The following PRKDC variants were observed in gnomAD, a reference collection of about 807,000 sequenced individuals.
PRKDC encodes the protein protein kinase, DNA-activated, catalytic subunit.
Under a neutral mutation model 486.9 loss-of-function variants are expected in PRKDC, and 82 were observed. The ratio of observed to expected loss-of-function variants is 0.17; its 90% confidence interval spans 0.14 to 0.20. The LOEUF (loss-of-function observed/expected upper bound fraction) is 0.20. Among genes scored for constraint, PRKDC ranks in the 10% least tolerant of loss-of-function variants. PRKDC has a pLI of 1.00. For missense variants in PRKDC, 4,504 were observed against 5,038.2 expected (o/e 0.89, Z 3.21); for synonymous variants, 1,895 against 1,837.0 (o/e 1.03, Z -0.81).
Position 47,864,743 on chromosome 8 carries a change from A to G in PRKDC, c.5384T>C (p.Val1795Ala). ...IARRGSCVTQVGLLESVYEMF... is the reference protein window; with the variant it reads ...IARRGSCVTQAGLLESVYEMF... Reference sequence around the variant, plus strand: ...TTCATACACGCTTTCCAGAAGGCCTACTTGTGTGACACATGAACCCCTAAG... The same window carrying G: ...TTCATACACGCTTTCCAGAAGGCCTGCTTGTGTGACACATGAACCCCTAAG... The change falls in exon 41 of 86, where the codon GTA becomes GCA. Residue 1795 changes from valine (V) to alanine (A), a missense_variant. Val to Ala is a moderately conservative substitution (Grantham distance 64). This residue lies in a region of PRKDC where 1,969 missense variants were observed against 2,068.9 expected (regional missense o/e 0.95). Transcript: ENST00000314191. The G allele has an allele frequency of 6.3e-7, 1 of 1,597,280 alleles. No homozygotes were observed. The highest frequency in any genetic ancestry group is 1.3e-5 in the African/African-American group (1 of 74,754).
intron 66 of PRKDC, among the ~76,000 whole-genome samples, chr8:47,819,837 T>C (rs1490726562): frequency 6.6e-6 from 1 of 152,210 alleles, no homozygotes; most frequent in East Asian, 1.9e-4. Flanking sequence ...AAGCCAATTC[T>C]TTTTTTGATA....
intron 21 of PRKDC, among the ~76,000 whole-genome samples, chr8:47,920,231 CTG>C (rs2090050816): frequency 2.0e-5 from 3 of 152,172 alleles, no homozygotes; most frequent in Admixed American, 6.5e-5. Context: ...CTCTATATTT[CTG>C]TGTGTGTGTC....
At chr8:47,927,452 T>G (rs1589797870) in intron 20 of PRKDC, 99 bp from the exon 21 acceptor site, 3 of 1,342,478 alleles carry the variant, frequency 2.2e-6, no homozygotes, top group Admixed American at 2.6e-5. Context: ...AATACTCCTT[T>G]TTATTACTGG....
chr8:47,837,613 C>T (rs2088056206), intron 56 of PRKDC, among the ~76,000 whole-genome samples, 194 bp from the exon 57 acceptor site: 1 of 151,506 alleles, frequency 6.6e-6, no homozygotes, highest in African/African-American at 2.4e-5. Context: ...GAGAATATTA[C>T]AAAAAATGTA....
chr8:47,801,769 G>T (rs1270864409), intron 70 of PRKDC, among the ~76,000 whole-genome samples: 1 of 152,170 alleles, frequency 6.6e-6, no homozygotes, highest in Non-Finnish European at 1.5e-5. Flanking sequence ...CTGAACCAGC[G>T]CTGGCTAAGT....
At chr8:47,783,164 C>A (rs1429945485) in intron 78 of PRKDC, among the ~76,000 whole-genome samples, 1 of 151,528 alleles carries the variant, frequency 6.6e-6, no homozygotes, top group Non-Finnish European at 1.5e-5. Flanking sequence ...TGTATCCCAG[C>A]TACTAGGGAG....
intron 40 of PRKDC, among the ~76,000 whole-genome samples, chr8:47,866,139 A>G (rs1272963854): frequency 6.7e-6 from 1 of 149,406 alleles, no homozygotes; most frequent in Non-Finnish European, 1.5e-5. Context: ...CTGGGCAACA[A>G]TAGAGAAACT....
At chr8:47,837,487 GGTGT>G in intron 56 of PRKDC, 68 bp from the exon 57 acceptor site, 1 of 1,267,024 alleles carries the variant, frequency 7.9e-7, no homozygotes, top group Non-Finnish European at 1.1e-6. Flanking sequence ...TGCTGTACAG[GGTGT>G]CCTGTGGAGA....
chr8:47,794,287 T>TG lies in PRKDC; in HGVS notation c.10670+2_10670+3insC. The TG allele has an allele frequency of 6.2e-7, 1 of 1,605,834 alleles. No individual in the cohort carries two copies. The highest frequency in any genetic ancestry group is 8.5e-7 in the Non-Finnish European group (1 of 1,174,048). ...AACCTATTCCTTCTGTAATATTACC[T>TG]ACCTTGCCACAAACTCCTTATTCTT... is the stretch of plus-strand genomic sequence containing the variant. On this transcript the variant is annotated splice_region_variant and intron_variant, in intron 74 of 85. Coordinates refer to ENST00000314191, the MANE Select transcript of PRKDC (RefSeq NM_006904.7).
Position 47,788,886 on chromosome 8 carries a change from C to A in PRKDC, c.10902+20G>T. 1 of 1,525,892 alleles carries A rather than the reference C, an allele frequency of 6.6e-7. No individual in the cohort carries two copies. Among genetic ancestry groups the A allele is most frequent in the Non-Finnish European group, 8.8e-7 (1 of 1,139,474 alleles). The allele number at this position is 1,525,892 out of a possible 1,614,324, so 94.5% of individuals were successfully genotyped here. A position where few individuals can be genotyped will look rare whatever the true frequency, so the allele number is the denominator to read the frequency against. The stretch of plus-strand genomic sequence containing the variant: ...CACAACGACTCTGCTATCAAAATAG[C>A]AGGCTGTGCCAGTCCATACCTGAAT... On this transcript the variant is annotated intron_variant, in intron 76 of 85. Transcript: ENST00000314191.
Position 47,877,674 on chromosome 8 carries a change from C to G in PRKDC, c.5363+50G>C, listed in dbSNP as rs187970682. ...TTGGAACAGAGAGGATAATTTCCCA[C>G]AAAACTGAAATGCGTATGGTTCCTG... On this transcript the variant is annotated intron_variant, in intron 40 of 85. Transcript: ENST00000314191. The G allele has an allele frequency of 8.1e-5, 117 of 1,450,670 alleles. 1 individual carries two copies. In the East Asian group the frequency reaches 1.8e-3, roughly 23 times the overall value. The allele number at this position is 1,450,670 out of a possible 1,614,324, so 89.9% of individuals were successfully genotyped here. A position where few individuals can be genotyped will look rare whatever the true frequency, so the allele number is the denominator to read the frequency against.
chr8:47,874,055 T>C (rs1200353193), intron 40 of PRKDC, among the ~76,000 whole-genome samples: 2 of 149,992 alleles, frequency 1.3e-5, no homozygotes, highest in Non-Finnish European at 3.0e-5. Flanking sequence ...GTCATTCTCC[T>C]GCCTCAGCCT....
intron 7 of PRKDC, among the ~76,000 whole-genome samples, chr8:47,949,767 G>A (rs1051871218): frequency 1.3e-5 from 2 of 152,104 alleles, no homozygotes; most frequent in Admixed American, 1.3e-4. Context: ...CAGGAGAGAG[G>A]AGAGAGAAGA....
chr8:47,816,146 G>A lies in PRKDC; in HGVS notation c.9557+1304C>T, dbSNP rs141584886. Among the ~76,000 whole-genome samples, 485 of 152,116 alleles carry A rather than the reference G, an allele frequency of 3.2e-3. 3 individuals carry two copies. The highest frequency in any genetic ancestry group is 0.01 in the African/African-American group (418 of 41,498). On this transcript the variant is annotated intron_variant, in intron 68 of 85. Transcript: ENST00000314191. ...GGAGAATCGCTTGAACCTGGGAGGCGGAGGTTGCAGTGAGCTGAGATTGTG... is the reference window on the plus strand; with the variant it reads ...GGAGAATCGCTTGAACCTGGGAGGCAGAGGTTGCAGTGAGCTGAGATTGTG...
At chr8:47,799,135 A>C in intron 72 of PRKDC, 75 bp downstream of exon 72, 1 of 1,540,988 alleles carries the variant, frequency 6.5e-7, no homozygotes, top group South Asian at 1.2e-5. Flanking sequence ...CAAAGAGGAG[A>C]CCAAAGGTAT....
In PRKDC at chr8:47,954,427, C is replaced by A; in HGVS notation, c.419G>T (p.Ser140Ile). 7.5e-7 allele frequency: 1 copy of A among 1,338,702 alleles called. No homozygotes were observed. The allele number at this position is 1,338,702 out of a possible 1,614,324, so 82.9% of individuals were successfully genotyped here. ...LLIKLLQTFR[S>I]SRLMDEFKIG... ...TTTAAATTCATCCATGAGTCTAGAA[C>A]TTCTAAAAGTCTGAAGTAACTAAAA... is the stretch of plus-strand genomic sequence containing the variant. Residue 140 changes from serine to isoleucine, a missense_variant, in exon 5 of 86, where the codon AGT becomes ATT. Ser to Ile is a moderately radical substitution (Grantham distance 142). Around this residue, in one of 6 missense-constraint regions of PRKDC, gnomAD observed 1,969 missense variants for 2,068.9 expected, o/e 0.95. Transcript: ENST00000314191.
At chr8:47,919,322 C>T (rs192407508) in intron 21 of PRKDC, among the ~76,000 whole-genome samples, 12 of 152,304 alleles carry the variant, frequency 7.9e-5, no homozygotes, top group Non-Finnish European at 1.3e-4. Flanking sequence ...TAATTTCATA[C>T]GTGGTCTCTC....
At chr8:47,944,643 CCTGA>C (rs1184535204) in intron 7 of PRKDC, among the ~76,000 whole-genome samples, 3 of 152,178 alleles carry the variant, frequency 2.0e-5, no homozygotes, top group Non-Finnish European at 4.4e-5. Context: ...CTAATCCTGG[CCTGA>C]CTGACATCAC....
rs540070339 is a variant in PRKDC at position 47,860,948 on chromosome 8, C to T, written c.6009G>A (p.Lys2003=). ...TGGCTTCTTTCCTAATTTCAATGTA[C>T]TTTTTCTTTCTTTCCATAGGAACCT... ...EVEVPMERKK[K]YIEIRKEARE... Residue 2003 remains lysine (K), a synonymous_variant, in exon 45 of 86, where the codon AAG becomes AAA. Transcript: ENST00000314191. 7.5e-6 allele frequency: 12 copies of T among 1,604,880 alleles called. No individual in the cohort carries two copies. In the South Asian group the frequency reaches 1.1e-4, roughly 15 times the overall value.
Sources: gnomAD v4.1 joint callset for allele counts (sites outside exome capture counted in the v4.1 genomes callset) on GRCh38, gnomAD v4.1.1 for gene constraint, gnomAD v4.1.1 regional missense constraint, MANE v1.5 for transcripts, NCBI Gene and HGNC (gene_info 2026-07-23, HGNC 2026-07-21) for gene names.